The following PEX5L variants were observed in gnomAD, a reference collection of about 807,000 sequenced individuals.
The protein encoded by PEX5L is peroxisomal biogenesis factor 5 like, also known as PEX5-related protein.
In PEX5L, 30 loss-of-function variants were observed where a neutral mutation model predicts 84.0. The observed-to-expected ratio is 0.36, with a 90% CI of 0.27 to 0.48. The LOEUF is 0.48. Ranked by LOEUF, PEX5L falls within the 20% of genes least tolerant of loss-of-function variation. The pLI, the probability that PEX5L is intolerant of heterozygous loss-of-function variation, is 0.99. For synonymous variants in PEX5L, 270 were observed against 283.1 expected, an observed-to-expected ratio of 0.95 and a Z score of 0.46; for missense variants, 533 against 754.6, an observed-to-expected ratio of 0.71 and a Z score of 3.44.
chr3:179,807,838 AC>A lies in PEX5L; in HGVS notation c.1519-8del, dbSNP rs1455922906. 1 of 1,610,148 alleles carries A rather than the reference AC, an allele frequency of 6.2e-7. No homozygotes were observed. Among genetic ancestry groups the A allele is most frequent in the African/African-American group, 1.3e-5 (1 of 74,876 alleles). On this transcript the variant is annotated splice_region_variant and splice_polypyrimidine_tract_variant and intron_variant, in intron 13 of 14. Transcript: ENST00000467460. ...GGTTCCATAGTGAATAGTCCTGATG[AC>A]AAAATCAGAACTTTCTAACAACCCA... is the stretch of plus-strand genomic sequence containing the variant.
chr3:179,955,663 T>A (rs2110028554), intron 2 of PEX5L, among the ~76,000 whole-genome samples: 1 of 152,260 alleles, frequency 6.6e-6, no homozygotes, highest in South Asian at 2.1e-4. Flanking sequence ...TGTGTTCATT[T>A]CAGAAAAATA....
At chr3:180,018,327 G>T (rs565819364) in intron 1 of PEX5L, among the ~76,000 whole-genome samples, 3 of 152,098 alleles carry the variant, frequency 2.0e-5, no homozygotes, top group Admixed American at 2.0e-4. Context: ...GAATGGGCTG[G>T]AACCATTTTA....
intron 1 of PEX5L, chr3:179,973,379 C>CT (rs1785248326): frequency 8.9e-7 from 1 of 1,123,750 alleles, no homozygotes; most frequent in South Asian, 2.1e-5. Flanking sequence ...GAATCATTGT[C>CT]TTGACTTTGT....
At chr3:179,912,148 T>C (rs1765391330) in intron 2 of PEX5L, among the ~76,000 whole-genome samples, 1 of 152,146 alleles carries the variant, frequency 6.6e-6, no homozygotes, top group Admixed American at 6.6e-5. Flanking sequence ...ATACTGGAAA[T>C]ATGCCCATAC....
intron 2 of PEX5L, among the ~76,000 whole-genome samples, chr3:179,947,432 T>C (rs1337032689): frequency 1.3e-5 from 2 of 152,138 alleles, no homozygotes; most frequent in African/African-American, 4.8e-5. Flanking sequence ...TGACTATCTT[T>C]GTTTTTCAGC....
intron 2 of PEX5L, among the ~76,000 whole-genome samples, chr3:179,916,431 T>TA (rs954896479): frequency 6.6e-6 from 1 of 151,818 alleles, no homozygotes; most frequent in African/African-American, 2.4e-5. Flanking sequence ...ATATAAAAAA[T>TA]AAAAAAATGG....
chr3:180,036,134 T>C (rs1170190399), intron 1 of PEX5L, among the ~76,000 whole-genome samples: 1 of 152,144 alleles, frequency 6.6e-6, no homozygotes, highest in African/African-American at 2.4e-5. Context: ...TATAACACTT[T>C]AAAAAATGAA....
chr3:179,850,301 A>G (rs933359291), intron 8 of PEX5L, among the ~76,000 whole-genome samples: 7 of 151,556 alleles, frequency 4.6e-5, no homozygotes, highest in African/African-American at 1.7e-4. Flanking sequence ...TAATTTTTGT[A>G]CTTTTAGTAG....
intron 2 of PEX5L, among the ~76,000 whole-genome samples, chr3:179,902,467 A>G (rs1002190246): frequency 6.6e-6 from 1 of 152,244 alleles, no homozygotes; most frequent in African/African-American, 2.4e-5. Context: ...GGAATGGTCA[A>G]TAACTTCACT....
At chr3:180,012,368 T>G (rs1012924328) in intron 1 of PEX5L, among the ~76,000 whole-genome samples, 2 of 150,726 alleles carry the variant, frequency 1.3e-5, no homozygotes, top group African/African-American at 4.9e-5. Flanking sequence ...AAGCAGAGTA[T>G]TTTTGTATTC....
chr3:179,810,249 C>T (rs562684592), intron 11 of PEX5L, among the ~76,000 whole-genome samples: 45 of 151,908 alleles, frequency 3.0e-4, no homozygotes, highest in African/African-American at 9.9e-4. Context: ...TCAAGTGACC[C>T]GCCTGTCTCA....
chr3:179,917,657 CT>C (rs1256179277), intron 2 of PEX5L, among the ~76,000 whole-genome samples: 5 of 149,066 alleles, frequency 3.4e-5, no homozygotes, highest in East Asian at 2.0e-4. Context: ...ACTGAAACGT[CT>C]TTTTTTTTTG....
chr3:179,950,515 C>A lies in PEX5L; in HGVS notation c.93+21079G>T, dbSNP rs78935077. ...TACCCTAGAACTTAAAGTATAATAA[C>A]AAAATTTAAAAAATGTAAAAAAAAA... is the stretch of plus-strand genomic sequence containing the variant. On this transcript the variant is annotated intron_variant, in intron 2 of 14. Transcript: ENST00000467460. Among the ~76,000 whole-genome samples the A allele has an allele frequency of 5.7e-3, 865 of 151,756 alleles. 7 individuals are homozygous for A. The highest frequency in any genetic ancestry group is 0.02 in the African/African-American group (828 of 41,468).
intron 1 of PEX5L, among the ~76,000 whole-genome samples, chr3:180,003,812 T>G (rs1788631534): frequency 1.3e-5 from 2 of 152,192 alleles, no homozygotes; most frequent in African/African-American, 4.8e-5. Flanking sequence ...AAGGTGATAT[T>G]AAAGAATAAA....
rs182360185 is a variant in PEX5L, at chr3:179,851,423, G to T, written c.822+7639C>A. Among the ~76,000 whole-genome samples, 28 of 152,208 alleles carry T rather than the reference G, an allele frequency of 1.8e-4. No individual in the cohort carries two copies. The East Asian group carries it at 5.2e-3, about 28-fold the overall frequency. On this transcript the variant is annotated intron_variant, in intron 8 of 14. Transcript: ENST00000467460. ...CTTCATGACCTAGTCACTTCCCAAAGGCCCCATCTCTTCATACCATCTCAC... is the reference window on the plus strand; with the variant it reads ...CTTCATGACCTAGTCACTTCCCAAATGCCCCATCTCTTCATACCATCTCAC...
chr3:179,912,643 G>C (rs1765585814), intron 2 of PEX5L, among the ~76,000 whole-genome samples: 1 of 151,988 alleles, frequency 6.6e-6, no homozygotes, highest in South Asian at 2.1e-4. Context: ...TAGCCTATTA[G>C]AATTTATGTT....
chr3:179,932,983 A>G (rs1255509795), intron 2 of PEX5L, among the ~76,000 whole-genome samples: 2 of 152,260 alleles, frequency 1.3e-5, no homozygotes, highest in African/African-American at 2.4e-5. Context: ...GAAATTTTGT[A>G]TCCTCTGACC....
At chr3:180,023,445 T>A (rs1191082592) in intron 1 of PEX5L, among the ~76,000 whole-genome samples, 1 of 152,192 alleles carries the variant, frequency 6.6e-6, no homozygotes, top group Non-Finnish European at 1.5e-5. Flanking sequence ...CTCTGAAGAA[T>A]TAGGAGAGGC....
chr3:180,000,294 G>A (rs1160381468), intron 1 of PEX5L, among the ~76,000 whole-genome samples: 1 of 151,660 alleles, frequency 6.6e-6, no homozygotes, highest in East Asian at 1.9e-4. Flanking sequence ...GACTGACCAG[G>A]CTATCAAGAT....
Sources: allele counts gnomAD v4.1 joint callset (sites outside exome capture counted in the v4.1 genomes callset), GRCh38; gene constraint gnomAD v4.1.1; transcripts MANE v1.5; gene names NCBI Gene and HGNC (gene_info 2026-07-23, HGNC 2026-07-21).